Variants in RASSF3 observed in about 807,000 individuals in gnomAD.
RASSF3 encodes the protein ras association domain-containing protein 3.
A neutral mutation model predicts 19.9 loss-of-function variants in RASSF3; 19 were observed. The observed-to-expected ratio is 0.96, with a 90% CI of 0.67 to 1.40. The LOEUF (loss-of-function observed/expected upper bound fraction) is 1.40, where lower values mean the gene tolerates loss of function less well. RASSF3 is among the 40% of genes most tolerant of loss of function. The pLI is 0.00. For missense variants in RASSF3, 306 were observed against 289.8 expected (o/e 1.06, Z -0.41); for synonymous variants, 110 against 104.2 (o/e 1.06, Z -0.34).
intron 1 of RASSF3, chr12:64,654,657 T>TTG (rs1872090731): frequency 2.8e-4 from 5 of 18,004 alleles, no homozygotes; most frequent in Admixed American, 6.0e-4. Context: ...GGGGGGGGGG[T>TTG]GGGGGGAAGC....
downstream of RASSF3, among the ~76,000 whole-genome samples, chr12:64,543,801 G>C (rs184201564): frequency 1.2e-4 from 18 of 151,938 alleles, no homozygotes; most frequent in East Asian, 3.2e-3. Flanking sequence ...CTAGCTCAAG[G>C]TTTGTAAATG....
At chr12:64,572,009 G>A (rs1302159128) in intron 2 of RASSF3, among the ~76,000 whole-genome samples, 2 of 152,148 alleles carry the variant, frequency 1.3e-5, no homozygotes, top group East Asian at 1.9e-4. Context: ...ACGTTCATAA[G>A]CTACTCCTTA....
At chr12:64,538,136 G>A (rs10878186) in intron 1 of RASSF3, among the ~76,000 whole-genome samples, 53,852 of 151,858 alleles carry the variant, frequency 0.35, 13,862 homozygotes, top group African/African-American at 0.73. Flanking sequence ...CTACAGGTGC[G>A]TGACCTCATG....
At chr12:64,589,682 C>A (rs982806075) in intron 2 of RASSF3, among the ~76,000 whole-genome samples, 1 of 151,740 alleles carries the variant, frequency 6.6e-6, no homozygotes, top group African/African-American at 2.4e-5. Context: ...ACCTTTGAGG[C>A]CAAGGCAGGA....
chr12:64,641,414 A>ACGCGCG (rs138010191), intron 1 of RASSF3, among the ~76,000 whole-genome samples: 2 of 142,092 alleles, frequency 1.4e-5, no homozygotes, highest in African/African-American at 2.8e-5. Context: ...ACACACACAC[A>ACGCGCG]CGCGCGCGCG....
At chr12:64,669,297 A>T (rs758510140) in intron 1 of RASSF3, among the ~76,000 whole-genome samples, 10 of 152,176 alleles carry the variant, frequency 6.6e-5, no homozygotes, top group Non-Finnish European at 5.9e-5. Flanking sequence ...TGAAACCTTC[A>T]CATTATTGTG....
At chr12:64,685,310 A>G (rs78518224) in intron 2 of RASSF3, among the ~76,000 whole-genome samples, 7,730 of 152,182 alleles carry the variant, frequency 0.051, 685 homozygotes, top group African/African-American at 0.18. Flanking sequence ...CAGTGGCACG[A>G]TCACCGCTCA....
At chr12:64,690,766 G>A (rs1868268540) in intron 3 of RASSF3, among the ~76,000 whole-genome samples, 1 of 151,616 alleles carries the variant, frequency 6.6e-6, no homozygotes, top group Non-Finnish European at 1.5e-5. Context: ...TTACAGGTGC[G>A]AGCCACTATG....
chr12:64,645,811 A>G (rs1871710613), intron 1 of RASSF3, among the ~76,000 whole-genome samples: 1 of 152,198 alleles, frequency 6.6e-6, no homozygotes, highest in Non-Finnish European at 1.5e-5. Flanking sequence ...ATGAGTCTCT[A>G]TGTTTAACTA....
intron 1 of RASSF3, among the ~76,000 whole-genome samples, chr12:64,626,140 GT>G (rs1478483941): frequency 6.6e-6 from 1 of 152,084 alleles, no homozygotes; most frequent in African/African-American, 2.4e-5. Context: ...CTGAGCTGTA[GT>G]GTTATTGATA....
intron 2 of RASSF3, among the ~76,000 whole-genome samples, chr12:64,552,409 G>A (rs1193999111): frequency 2.0e-5 from 3 of 152,104 alleles, no homozygotes; most frequent in African/African-American, 7.2e-5. Flanking sequence ...TGTGCAGGAT[G>A]TGCAGATTTG....
intron 2 of RASSF3, among the ~76,000 whole-genome samples, chr12:64,564,026 G>A (rs1046761627): frequency 6.6e-5 from 10 of 152,192 alleles, no homozygotes; most frequent in African/African-American, 2.2e-4. Flanking sequence ...AACAACGTGT[G>A]TGTTACATGA....
intron 2 of RASSF3, among the ~76,000 whole-genome samples, chr12:64,580,620 A>G (rs1192107583): frequency 6.6e-6 from 1 of 151,094 alleles, no homozygotes; most frequent in African/African-American, 2.4e-5. Flanking sequence ...ACACATCCAC[A>G]CAGATAAATT....
intron 1 of RASSF3, among the ~76,000 whole-genome samples, chr12:64,513,871 T>A (rs929599185): frequency 2.6e-5 from 4 of 151,624 alleles, no homozygotes; most frequent in Middle Eastern, 3.4e-3. Flanking sequence ...GAATTTAAGG[T>A]TTTGTTTGTT....
intron 1 of RASSF3, among the ~76,000 whole-genome samples, chr12:64,514,973 G>T (rs1386609562): frequency 6.6e-6 from 1 of 151,394 alleles, no homozygotes; most frequent in South Asian, 2.1e-4. Context: ...TTCTTTCCAT[G>T]TTTTCCAATA....
intron 1 of RASSF3, among the ~76,000 whole-genome samples, chr12:64,681,441 A>G (rs900144025): frequency 7.9e-5 from 12 of 152,244 alleles, no homozygotes; most frequent in Admixed American, 7.2e-4. Flanking sequence ...CCCAAGGCAC[A>G]GGGTTAGTTG....
rs1179212599 is a variant in RASSF3 at position 64,620,402 on chromosome 12, C to A, written c.111+9659C>A. 2.6e-5 allele frequency among the ~76,000 whole-genome samples: 4 copies of A among 152,106 alleles called. No homozygotes were observed. In the South Asian group the frequency reaches 6.2e-4, roughly 24 times the overall value. On this transcript the variant is annotated intron_variant, in intron 1 of 4. Transcript: ENST00000542104. The stretch of plus-strand genomic sequence containing the variant: ...CTCATGTGAATAATGATGCTGTGAA[C>A]AGGGGTGTACAAATATCTCTTAAAG...
At chr12:64,565,329 C>G (rs950887399) in intron 2 of RASSF3, among the ~76,000 whole-genome samples, 1 of 152,026 alleles carries the variant, frequency 6.6e-6, no homozygotes, top group African/African-American at 2.4e-5. Flanking sequence ...GTAATCCCAG[C>G]ACTTTGGGAG....
intron 1 of RASSF3, among the ~76,000 whole-genome samples, chr12:64,643,279 A>G (rs951468920): frequency 6.6e-6 from 1 of 152,214 alleles, no homozygotes; most frequent in Non-Finnish European, 1.5e-5. Flanking sequence ...TGTCTGGTCC[A>G]TAGTAAAGCT....
Sources: gnomAD v4.1 joint callset for allele counts (sites outside exome capture counted in the v4.1 genomes callset) on GRCh38, gnomAD v4.1.1 for gene constraint, MANE v1.5 for transcripts, NCBI Gene and HGNC (gene_info 2026-07-23, HGNC 2026-07-21) for gene names.